Variants in SLC12A2 observed in about 807,000 individuals in gnomAD.
SLC12A2 encodes Na-K-2Cl cotransporter 1.
A neutral mutation model predicts 136.3 loss-of-function variants in SLC12A2; 67 were observed. That is an observed-to-expected ratio of 0.49 (90% CI 0.40 to 0.60). The LOEUF is 0.60. Among genes scored for constraint, SLC12A2 ranks in the 20% least tolerant of loss-of-function variants. SLC12A2 has a pLI of 0.00. For missense variants in SLC12A2, 1,322 were observed against 1,534.7 expected (o/e 0.86, Z 2.32); for synonymous variants, 619 against 562.9 (o/e 1.10, Z -1.41).
At chr5:128,170,143 A>G (rs971312422) in intron 18 of SLC12A2, 8 of 152,186 alleles carry the variant, frequency 5.3e-5, no homozygotes, top group African/African-American at 1.4e-4. Flanking sequence ...CTGCAAATCA[A>G]TTTTTATAGC....
chr5:128,117,909 T>C (rs1356279093), intron 4 of SLC12A2, among the ~76,000 whole-genome samples: 3 of 152,026 alleles, frequency 2.0e-5, no homozygotes, highest in Non-Finnish European at 2.9e-5. Flanking sequence ...GCAAAGGACA[T>C]GAATAGACAA....
chr5:128,148,974 T>G, intron 12 of SLC12A2, 97 bp downstream of exon 12: 1 of 1,060,262 alleles, frequency 9.4e-7, no homozygotes, highest in Non-Finnish European at 1.3e-6. Context: ...CTTGGTATAC[T>G]AAGTTTCTTT....
At chr5:128,132,506 G>T (rs778086459) in intron 5 of SLC12A2, among the ~76,000 whole-genome samples, 1 of 152,198 alleles carries the variant, frequency 6.6e-6, no homozygotes, top group South Asian at 2.1e-4. Context: ...GTGTTAACTA[G>T]AAGAACCATG....
intron 1 of SLC12A2, among the ~76,000 whole-genome samples, chr5:128,103,106 G>A (rs1328226573): frequency 6.6e-6 from 1 of 152,170 alleles, no homozygotes; most frequent in African/African-American, 2.4e-5. Flanking sequence ...AGGATATGCT[G>A]AGGAGTAGAA....
chr5:128,175,618 A>G (rs1402632661), intron 20 of SLC12A2, among the ~76,000 whole-genome samples: 1 of 151,738 alleles, frequency 6.6e-6, no homozygotes, highest in African/African-American at 2.4e-5. Flanking sequence ...TCAAGCATCT[A>G]CTCCGTGCAC....
intron 1 of SLC12A2, among the ~76,000 whole-genome samples, chr5:128,100,061 G>T (rs1371937113): frequency 1.3e-5 from 2 of 152,058 alleles, no homozygotes; most frequent in African/African-American, 4.8e-5. Context: ...TTATATTACT[G>T]TCAGCTTAGT....
chr5:128,138,723 C>G lies in SLC12A2; in HGVS notation c.1535C>G (p.Ala512Gly). 1 of 1,612,390 alleles carries G rather than the reference C, an allele frequency of 6.2e-7. No homozygotes were observed. Among genetic ancestry groups the G allele is most frequent in the South Asian group, 1.1e-5 (1 of 90,790 alleles). Residue 512 changes from alanine (A) to glycine (G), a missense_variant and splice_region_variant, in exon 8 of 27, where the codon GCA (alanine) becomes GGA (glycine). This residue lies in a region of SLC12A2 where 294 missense variants were observed against 436.6 expected (regional missense o/e 0.67). Coordinates refer to ENST00000262461, the MANE Select transcript of SLC12A2 (RefSeq NM_001046.3). The part of the protein sequence containing the change: ...LAGANISGDL[A>G]DPQSAIPKGT... The stretch of plus-strand genomic sequence containing the variant: ...GGAGCAAATATCTCAGGTGATCTTG[C>G]AGTAAGTATTATAAAGTGCTATATC...
intron 7 of SLC12A2, among the ~76,000 whole-genome samples, chr5:128,136,639 C>G (rs537820687): frequency 6.6e-6 from 1 of 152,168 alleles, no homozygotes; most frequent in African/African-American, 2.4e-5. Flanking sequence ...GTCATTCCTT[C>G]TCCTTCTTGA....
chr5:128,089,777 A>C (rs1363733940), intron 1 of SLC12A2, among the ~76,000 whole-genome samples: 1 of 152,182 alleles, frequency 6.6e-6, no homozygotes, highest in Non-Finnish European at 1.5e-5. Flanking sequence ...CTTTAAGTAA[A>C]ACACTAAATA....
Position 128,084,753 on chromosome 5 carries a change from A to T in SLC12A2, c.756+43A>T. Reference sequence around the variant, plus strand: ...TCCCTTCTTCCCCAGCCCCTGGTGCATGCCGACCGCGGGATGTGGCTGCAG... The same window carrying T: ...TCCCTTCTTCCCCAGCCCCTGGTGCTTGCCGACCGCGGGATGTGGCTGCAG... On this transcript the variant is annotated intron_variant, in intron 1 of 26. Transcript: ENST00000262461. This position sits in a 1 kb window ranked among gnomAD's most constrained non-coding sequence, Gnocchi z 5.6. 2 of 1,499,316 alleles carry T rather than the reference A, an allele frequency of 1.3e-6. No individual in the cohort carries two copies. Among genetic ancestry groups the T allele is most frequent in the Non-Finnish European group, 1.8e-6 (2 of 1,120,422 alleles). The allele number at this position is 1,499,316 out of a possible 1,614,324, so 92.9% of individuals were successfully genotyped here.
intron 19 of SLC12A2, among the ~76,000 whole-genome samples, chr5:128,174,070 C>T (rs1763465004): frequency 6.6e-6 from 1 of 152,118 alleles, no homozygotes; most frequent in South Asian, 2.1e-4. Flanking sequence ...GATTCACATA[C>T]TATGTATTAC....
chr5:128,169,521 C>G (rs949656104), intron 18 of SLC12A2: 1 of 152,094 alleles, frequency 6.6e-6, no homozygotes, highest in Non-Finnish European at 1.5e-5. Context: ...ACCAACTAAT[C>G]GTTAAATGCT....
chr5:128,172,981 AAAAAAAC>A (rs1763426608), intron 19 of SLC12A2, among the ~76,000 whole-genome samples: 1 of 151,370 alleles, frequency 6.6e-6, no homozygotes, highest in South Asian at 2.1e-4. Flanking sequence ...AAAAAACAAA[AAAAAAAC>A]AACTGTGAAG....
chr5:128,169,958 C>T (rs187283671), intron 18 of SLC12A2: 225 of 152,242 alleles, frequency 1.5e-3, no homozygotes, highest in African/African-American at 5.3e-3. Context: ...AGGTAAAATA[C>T]TGCTTTCTGG....
chr5:128,182,377 C>T (rs1016046060), intron 23 of SLC12A2, among the ~76,000 whole-genome samples: 1 of 152,064 alleles, frequency 6.6e-6, no homozygotes, highest in Non-Finnish European at 1.5e-5. Context: ...TGTCCCAGTT[C>T]CTTCTTTCCC....
At position 128,158,926 on chromosome 5, in the gene SLC12A2, T is replaced by C. The variant is rs141175180; in HGVS notation, c.2475+762T>C. 9.3e-3 allele frequency among the ~76,000 whole-genome samples: 1,415 copies of C among 151,886 alleles called. 24 individuals are homozygous for C. The highest frequency in any genetic ancestry group is 0.031 in the East Asian group (158 of 5,172). ...TCTGACAGGTGTGAAATAATTTTTTTATACTAAAACTTTTATGCTGTATAT... is the reference window on the plus strand; with the variant it reads ...TCTGACAGGTGTGAAATAATTTTTTCATACTAAAACTTTTATGCTGTATAT... On this transcript the variant is annotated intron_variant, in intron 16 of 26. Transcript: ENST00000262461.
intron 4 of SLC12A2, among the ~76,000 whole-genome samples, chr5:128,129,032 T>C (rs186977998): frequency 1.8e-4 from 27 of 152,222 alleles, no homozygotes; most frequent in Non-Finnish European, 2.9e-4. Flanking sequence ...AAATCTCACA[T>C]TTTATAAAAT....
At chr5:128,122,611 A>C (rs73784515) in intron 4 of SLC12A2, among the ~76,000 whole-genome samples, 1 of 152,120 alleles carries the variant, frequency 6.6e-6, no homozygotes, top group African/African-American at 2.4e-5. Context: ...TTATGTACTC[A>C]TATCTTTTAC....
At chr5:128,176,779 A>G (rs190418414) in intron 20 of SLC12A2, among the ~76,000 whole-genome samples, 17 of 152,196 alleles carry the variant, frequency 1.1e-4, no homozygotes, top group Admixed American at 1.0e-3. Flanking sequence ...ATTTATACCT[A>G]TAAGCCACAG....
Sources: gnomAD v4.1 joint callset for allele counts (sites outside exome capture counted in the v4.1 genomes callset) on GRCh38, gnomAD v4.1.1 for gene constraint, gnomAD v4.1.1 regional missense constraint, Gnocchi (gnomAD v3.1) non-coding constraint, MANE v1.5 for transcripts, NCBI Gene and HGNC (gene_info 2026-07-23, HGNC 2026-07-21) for gene names.